Variants in NCMAP observed in about 807,000 individuals in gnomAD.
NCMAP encodes the protein noncompact myelin-associated protein.
Under a neutral mutation model 7.8 loss-of-function variants are expected in NCMAP, and 8 were observed. The observed-to-expected ratio is 1.02, with a 90% confidence interval of 0.60 to 1.84. The LOEUF (loss-of-function observed/expected upper bound fraction) is 1.84. Among genes scored for constraint, NCMAP ranks in the 40% most tolerant of loss-of-function variants. NCMAP has a pLI of 0.00. For synonymous variants in NCMAP, 41 were observed against 52.9 expected, an observed-to-expected ratio of 0.78 and a Z score of 0.98; for missense variants, 112 against 131.4, an observed-to-expected ratio of 0.85 and a Z score of 0.72.
At chr1:24,588,475 T>C (rs1383509663) in intron 1 of NCMAP, among the ~76,000 whole-genome samples, 1 of 152,124 alleles carries the variant, frequency 6.6e-6, no homozygotes, top group East Asian at 1.9e-4. Context: ...TGGTAGTCTC[T>C]CTATTGTCTT....
At chr1:24,580,795 G>A (rs538022908) in intron 1 of NCMAP, among the ~76,000 whole-genome samples, 40 of 152,246 alleles carry the variant, frequency 2.6e-4, no homozygotes, top group Admixed American at 3.9e-4. Context: ...GCACCCTGAC[G>A]TTTGGTGATC....
intron 1 of NCMAP, among the ~76,000 whole-genome samples, chr1:24,594,716 A>T (rs1652160080): frequency 6.6e-6 from 1 of 151,860 alleles, no homozygotes; most frequent in Non-Finnish European, 1.5e-5. Flanking sequence ...CATGTCACTG[A>T]CTGCTTCATA....
intron 1 of NCMAP, among the ~76,000 whole-genome samples, chr1:24,575,559 C>T (rs929269682): frequency 1.3e-5 from 2 of 152,118 alleles, no homozygotes; most frequent in Admixed American, 1.3e-4. Context: ...GAGCCCAAAC[C>T]CTTGTCTTCG....
chr1:24,596,140 G>A (rs760642210), intron 2 of NCMAP, among the ~76,000 whole-genome samples: 1 of 152,188 alleles, frequency 6.6e-6, no homozygotes, highest in South Asian at 2.1e-4. Flanking sequence ...AGATTAGCTG[G>A]GCATGGTGGT....
intron 2 of NCMAP, among the ~76,000 whole-genome samples, chr1:24,600,322 T>C (rs1209385404): frequency 6.6e-6 from 1 of 151,898 alleles, no homozygotes; most frequent in African/African-American, 2.4e-5. Context: ...GGCTAATTTT[T>C]AATTTTTTAT....
At chr1:24,559,858 C>T (rs998211493) in intron 1 of NCMAP, among the ~76,000 whole-genome samples, 2 of 152,234 alleles carry the variant, frequency 1.3e-5, no homozygotes, top group Non-Finnish European at 2.9e-5. Flanking sequence ...GTACCCTCTG[C>T]AATCATCTAT....
intron 1 of NCMAP, among the ~76,000 whole-genome samples, chr1:24,587,723 G>C (rs1015037114): frequency 6.6e-6 from 1 of 152,016 alleles, no homozygotes; most frequent in African/African-American, 2.4e-5. Context: ...ATGTTGTCCA[G>C]GCTGGTCTCG....
In NCMAP at chr1:24,607,437, C is replaced by T. The variant is rs1171961336; in HGVS notation, c.*1690C>T. On this transcript the variant is annotated 3_prime_UTR_variant, in exon 4 of 4. Transcript: ENST00000374392. ...TTAATATAATTGTAGTTCTTTACTTCCTCTCAAAAACTTGTGATCTTATAA... is the reference window on the plus strand; with the variant it reads ...TTAATATAATTGTAGTTCTTTACTTTCTCTCAAAAACTTGTGATCTTATAA... 1 of 152,092 alleles carries T rather than the reference C, an allele frequency of 6.6e-6. No individual in the cohort carries two copies. Among genetic ancestry groups the T allele is most frequent in the African/African-American group, 2.4e-5 (1 of 41,414 alleles). The allele number at this position is 152,092 out of a possible 1,614,324, so 9.4% of individuals were successfully genotyped here.
chr1:24,571,241 C>T (rs998367673), intron 1 of NCMAP, among the ~76,000 whole-genome samples: 2 of 150,656 alleles, frequency 1.3e-5, no homozygotes, highest in Non-Finnish European at 2.9e-5. Context: ...CTTTGGGAGG[C>T]CGAGGCAGGC....
chr1:24,556,789 G>A (rs981786983), intron 1 of NCMAP, among the ~76,000 whole-genome samples: 1 of 152,120 alleles, frequency 6.6e-6, no homozygotes, highest in African/African-American at 2.4e-5. Context: ...AAATATGAAG[G>A]CTGGATTAGA....
intron 1 of NCMAP, among the ~76,000 whole-genome samples, chr1:24,566,036 T>A (rs561205184): frequency 6.6e-6 from 1 of 152,262 alleles, no homozygotes; most frequent in East Asian, 1.9e-4. Flanking sequence ...TGTGAAGAAG[T>A]TACCTTGGTT....
intron 1 of NCMAP, among the ~76,000 whole-genome samples, chr1:24,571,870 G>A (rs1317728946): frequency 2.0e-5 from 3 of 150,958 alleles, no homozygotes; most frequent in Non-Finnish European, 4.4e-5. Flanking sequence ...ACAGGCGTAA[G>A]CCACCGCGCC....
rs1332599047 is a variant in NCMAP, at chr1:24,576,865, C to T, written c.-7-18559C>T. On this transcript the variant is annotated intron_variant, in intron 1 of 3. Coordinates refer to ENST00000374392, the MANE Select transcript of NCMAP (RefSeq NM_001010980.5). The surrounding 1 kb of genome is among the most constrained non-coding windows in gnomAD (Gnocchi z 4.0). ...ATGTTACACAGGACACAGTGGCTCA[C>T]ACCTGTAATCCCAGCACTTTGGGAG... Among the ~76,000 whole-genome samples the T allele has an allele frequency of 6.6e-6, 1 of 152,150 alleles. No homozygotes were observed. The highest frequency in any genetic ancestry group is 2.4e-5 in the African/African-American group (1 of 41,450).
At chr1:24,559,631 G>A (rs1446002411) in intron 1 of NCMAP, among the ~76,000 whole-genome samples, 1 of 152,222 alleles carries the variant, frequency 6.6e-6, no homozygotes, top group Non-Finnish European at 1.5e-5. Flanking sequence ...GCTGGGCTCA[G>A]GCCTTCTCCG....
At chr1:24,556,501 G>C (rs1343859729) in intron 1 of NCMAP, among the ~76,000 whole-genome samples, 1 of 152,332 alleles carries the variant, frequency 6.6e-6, no homozygotes, top group African/African-American at 2.4e-5. Flanking sequence ...ACCTTGACCC[G>C]GCCTGGAGAT....
chr1:24,557,480 G>A (rs1240988296), intron 1 of NCMAP, among the ~76,000 whole-genome samples: 2 of 152,106 alleles, frequency 1.3e-5, no homozygotes, highest in East Asian at 3.9e-4. Context: ...TGTGTTGGTG[G>A]TGGTAGTAGA....
intron 1 of NCMAP, among the ~76,000 whole-genome samples, chr1:24,572,407 C>T (rs1651416203): frequency 6.6e-6 from 1 of 150,740 alleles, no homozygotes; most frequent in African/African-American, 2.5e-5. Context: ...TTTCCCGAGG[C>T]AGTCAGTGGT....
chr1:24,603,003 G>A (rs1652562612), intron 3 of NCMAP, among the ~76,000 whole-genome samples: 1 of 151,980 alleles, frequency 6.6e-6, no homozygotes, highest in South Asian at 2.1e-4. Flanking sequence ...TCGCACCACT[G>A]CACTCCAGCC....
chr1:24,559,978 G>T (rs1013932781), intron 1 of NCMAP, among the ~76,000 whole-genome samples: 1 of 152,072 alleles, frequency 6.6e-6, no homozygotes, highest in South Asian at 2.1e-4. Context: ...TGGCTAACAT[G>T]GTGAAACCCT....
Sources: allele counts gnomAD v4.1 joint callset (sites outside exome capture counted in the v4.1 genomes callset), GRCh38; gene constraint gnomAD v4.1.1; non-coding constraint Gnocchi (gnomAD v3.1); transcripts MANE v1.5; gene names NCBI Gene and HGNC (gene_info 2026-07-23, HGNC 2026-07-21).